FKTN: variants seen among roughly 807,000 people sequenced by gnomAD.
FKTN encodes the protein ribitol-5-phosphate transferase FKTN.
In FKTN, 47 loss-of-function variants were observed where a neutral mutation model predicts 58.6. The observed-to-expected ratio is 0.80, with a 90% CI of 0.63 to 1.02. FKTN has a LOEUF of 1.02. FKTN is among the 50% of genes least tolerant of loss of function. The pLI is 0.00. For synonymous variants in FKTN, 178 were observed against 191.9 expected, an observed-to-expected ratio of 0.93 and a Z score of 0.60; for missense variants, 516 against 537.3, an observed-to-expected ratio of 0.96 and a Z score of 0.39.
intron 6 of FKTN, 52 bp from the exon 7 acceptor site, chr9:105,607,767 C>T: frequency 6.5e-7 from 1 of 1,533,508 alleles, no homozygotes; most frequent in Non-Finnish European, 9.0e-7. Flanking sequence ...CTAATGTTCT[C>T]CCTCCCTGTT....
At chr9:105,632,675 A>G (rs1222616961) in intron 10 of FKTN, among the ~76,000 whole-genome samples, 2 of 152,060 alleles carry the variant, frequency 1.3e-5, no homozygotes, top group African/African-American at 4.8e-5. Context: ...TCTGTGAGGG[A>G]AAAAAATGGT....
chr9:105,570,924 A>G (rs1309566060), intron 1 of FKTN, among the ~76,000 whole-genome samples: 1 of 152,196 alleles, frequency 6.6e-6, no homozygotes, highest in Non-Finnish European at 1.5e-5. Context: ...CAGAGGCAGG[A>G]AAGTGTAGGA....
Position 105,635,984 on chromosome 9 carries a change from G to A in FKTN, c.*720G>A. 1.0e-6 allele frequency: 1 copy of A among 985,572 alleles called. No homozygotes were observed. Among genetic ancestry groups the A allele is most frequent in the Non-Finnish European group, 1.2e-6 (1 of 830,044 alleles). The allele number at this position is 985,572 out of a possible 1,614,324, so 61.1% of individuals were successfully genotyped here. A position where few individuals can be genotyped will look rare whatever the true frequency, so the allele number is the denominator to read the frequency against. On this transcript the variant is annotated 3_prime_UTR_variant, in exon 11 of 11. Coordinates refer to ENST00000357998, the MANE Select transcript of FKTN (RefSeq NM_001079802.2). Reference sequence around the variant, plus strand: ...TTTAATGCTTAAATTTCCATCCATTGTGAGAATATTTTCACTGACCTCTGA... The same window carrying A: ...TTTAATGCTTAAATTTCCATCCATTATGAGAATATTTTCACTGACCTCTGA...
chr9:105,574,011 A>G (rs748585660), intron 2 of FKTN, among the ~76,000 whole-genome samples: 12 of 152,220 alleles, frequency 7.9e-5, no homozygotes, highest in Non-Finnish European at 1.3e-4. Flanking sequence ...CAGTAGATGA[A>G]CAGAGATGAT....
Position 105,636,055 on chromosome 9 carries a change from A to G in FKTN, c.*791A>G, listed in dbSNP as rs1834012322. ...TTCAAGTGAGACCATGTTACTAGAC[A>G]TGATCTTGAAAGAGGCCATGATTTC... On this transcript the variant is annotated 3_prime_UTR_variant, in exon 11 of 11. Coordinates refer to ENST00000357998, the MANE Select transcript of FKTN (RefSeq NM_001079802.2). 1.0e-6 allele frequency: 1 copy of G among 985,426 alleles called. No individual in the cohort carries two copies. The highest frequency in any genetic ancestry group is 1.2e-6 in the Non-Finnish European group (1 of 829,922). 61.0% of individuals were successfully genotyped at this position (985,426 alleles called of 1,614,324 possible). A position where few individuals can be genotyped will look rare whatever the true frequency, so the allele number is the denominator to read the frequency against.
intron 8 of FKTN, among the ~76,000 whole-genome samples, chr9:105,617,181 G>A (rs1169519288): frequency 6.6e-6 from 1 of 152,114 alleles, no homozygotes; most frequent in Non-Finnish European, 1.5e-5. Flanking sequence ...GATAATCGCA[G>A]TCATTTATTT....
intron 1 of FKTN, among the ~76,000 whole-genome samples, chr9:105,564,488 C>T (rs193291323): frequency 6.6e-6 from 1 of 152,298 alleles, no homozygotes; most frequent in East Asian, 1.9e-4. Flanking sequence ...AGCACGAGAA[C>T]TACATGAAGA....
At chr9:105,596,726 A>G (rs1317933415) in intron 4 of FKTN, 69 bp downstream of exon 4, 1 of 1,130,322 alleles carries the variant, frequency 8.8e-7, no homozygotes, top group African/African-American at 1.5e-5. Flanking sequence ...CTCCGTAAGT[A>G]TTTGTTGAAT....
intron 6 of FKTN, among the ~76,000 whole-genome samples, chr9:105,604,980 G>C (rs187325549): frequency 2.0e-5 from 3 of 150,952 alleles, no homozygotes; most frequent in African/African-American, 7.3e-5. Flanking sequence ...AACTGTAAAG[G>C]AATAAATAAT....
intron 10 of FKTN, chr9:105,623,306 C>G (rs921433611): frequency 1.2e-4 from 18 of 152,042 alleles, no homozygotes; most frequent in Non-Finnish European, 2.1e-4. Context: ...TTATTTAATC[C>G]TCACAATAAG....
intron 10 of FKTN, chr9:105,622,942 G>A (rs1444923997): frequency 6.6e-6 from 1 of 152,004 alleles, no homozygotes; most frequent in Non-Finnish European, 1.5e-5. Flanking sequence ...TACTCATTCC[G>A]TCTTTAGTTC....
chr9:105,625,358 G>A (rs1045246080), intron 10 of FKTN, among the ~76,000 whole-genome samples: 2 of 152,162 alleles, frequency 1.3e-5, no homozygotes, highest in African/African-American at 4.8e-5. Context: ...GAGACTTAGG[G>A]CCATGTAAAG....
intron 10 of FKTN, among the ~76,000 whole-genome samples, chr9:105,628,395 AT>A (rs1174522262): frequency 1.3e-5 from 2 of 152,226 alleles, no homozygotes; most frequent in Non-Finnish European, 2.9e-5. Flanking sequence ...CTTATACAAT[AT>A]GTAGAAGTAG....
chr9:105,574,881 G>T (rs1841388196), intron 2 of FKTN, 64 bp from the exon 3 acceptor site: 1 of 648,190 alleles, frequency 1.5e-6, no homozygotes, highest in Admixed American at 2.5e-5. Context: ...TTCTATTGTT[G>T]GTTATTACAG....
At chr9:105,626,226 A>C (rs1832720409) in intron 10 of FKTN, among the ~76,000 whole-genome samples, 1 of 152,218 alleles carries the variant, frequency 6.6e-6, no homozygotes, top group Admixed American at 6.5e-5. Flanking sequence ...GCCCTGGTAC[A>C]TGCTTATCTT....
At chr9:105,587,174 G>A (rs553893983) in intron 3 of FKTN, among the ~76,000 whole-genome samples, 1 of 152,054 alleles carries the variant, frequency 6.6e-6, no homozygotes, top group African/African-American at 2.4e-5. Flanking sequence ...TCTTGACTTA[G>A]TCCAATGAGC....
intron 10 of FKTN, chr9:105,633,298 G>T (rs966744302): frequency 6.6e-6 from 1 of 152,154 alleles, no homozygotes; most frequent in Non-Finnish European, 1.5e-5. Flanking sequence ...TGTAAAATTT[G>T]TAGTATTCCC....
At chr9:105,598,689 A>G (rs1197686736) in intron 4 of FKTN, 1 of 152,118 alleles carries the variant, frequency 6.6e-6, no homozygotes, top group African/African-American at 2.4e-5. Flanking sequence ...AACTTGGAGG[A>G]TGTGTTTAGA....
At position 105,639,140 on chromosome 9, in the gene FKTN, T is replaced by C. The variant is rs1017288356; in HGVS notation, c.*3876T>C. 1 of 985,218 alleles carries C rather than the reference T, an allele frequency of 1.0e-6. No individual in the cohort carries two copies. The highest frequency in any genetic ancestry group is 1.7e-5 in the African/African-American group (1 of 57,244). The allele number at this position is 985,218 out of a possible 1,614,324, so 61.0% of individuals were successfully genotyped here. A position where few individuals can be genotyped will look rare whatever the true frequency, so the allele number is the denominator to read the frequency against. ...GTCAAGAAAGTGCCACATTCCCACCTTCTAACAGGTAATTATTAGTTGTAA... is the reference window on the plus strand; with the variant it reads ...GTCAAGAAAGTGCCACATTCCCACCCTCTAACAGGTAATTATTAGTTGTAA... On this transcript the variant is annotated 3_prime_UTR_variant, in exon 11 of 11. Transcript: ENST00000357998.
Sources: gnomAD v4.1 joint callset for allele counts (sites outside exome capture counted in the v4.1 genomes callset) on GRCh38, gnomAD v4.1.1 for gene constraint, MANE v1.5 for transcripts, NCBI Gene and HGNC (gene_info 2026-07-23, HGNC 2026-07-21) for gene names.